Variants in SGCD observed in about 807,000 individuals in gnomAD.
SGCD encodes the protein delta-sarcoglycan.
In SGCD, 18 loss-of-function variants were observed where a neutral mutation model predicts 36.6. That is an observed-to-expected ratio of 0.49 (90% CI 0.34 to 0.73). SGCD has a LOEUF of 0.73. Ranked by LOEUF, SGCD falls within the 30% of genes least tolerant of loss-of-function variation. SGCD has a pLI of 0.01. For missense variants in SGCD, 387 were observed against 346.7 expected, an observed-to-expected ratio of 1.12 and a Z score of -0.92; for synonymous variants, 133 against 130.6, an observed-to-expected ratio of 1.02 and a Z score of -0.12.
In SGCD at chr5:156,766,559, C is replaced by T. The variant is rs961763770; in HGVS notation, c.*7169C>T. On this transcript the variant is annotated 3_prime_UTR_variant, in exon 9 of 9. Transcript: ENST00000337851. The stretch of plus-strand genomic sequence containing the variant: ...TAAAGTGGCACCCTTTAACTTTGAA[C>T]CTGTGTATTTTACACTGGCATCCTA... The T allele has an allele frequency of 6.8e-6, 1 of 147,738 alleles. No homozygotes were observed. Among genetic ancestry groups the T allele is most frequent in the Non-Finnish European group, 1.5e-5 (1 of 67,188 alleles). The allele number at this position is 147,738 out of a possible 1,614,324, so 9.2% of individuals were successfully genotyped here. A position where few individuals can be genotyped will look rare whatever the true frequency, so the allele number is the denominator to read the frequency against.
At chr5:156,061,420 C>A (rs1760203602) in intron 1 of SGCD, among the ~76,000 whole-genome samples, 1 of 145,696 alleles carries the variant, frequency 6.9e-6, no homozygotes, top group African/African-American at 2.5e-5. Context: ...CCATAGAAAC[C>A]AAATGTGACA....
intron 7 of SGCD, among the ~76,000 whole-genome samples, chr5:156,733,658 A>G (rs1444943796): frequency 6.6e-6 from 1 of 152,072 alleles, no homozygotes; most frequent in African/African-American, 2.4e-5. Context: ...GTCTCTAAGA[A>G]CTTGCTTTAT....
intron 1 of SGCD, among the ~76,000 whole-genome samples, chr5:155,939,498 G>A (rs1014314552): frequency 6.6e-6 from 1 of 151,652 alleles, no homozygotes; most frequent in African/African-American, 2.4e-5. Flanking sequence ...ACAAAAATTA[G>A]CCAGGTGTGG....
intron 1 of SGCD, among the ~76,000 whole-genome samples, chr5:155,935,695 A>G (rs906333058): frequency 7.2e-5 from 11 of 152,196 alleles, no homozygotes; most frequent in Admixed American, 3.3e-4. Context: ...TCACTTGCCT[A>G]AGGTTGTTAC....
At chr5:156,695,450 T>G (rs1479499432) in intron 7 of SGCD, among the ~76,000 whole-genome samples, 2 of 152,040 alleles carry the variant, frequency 1.3e-5, no homozygotes, top group Non-Finnish European at 2.9e-5. Context: ...CATAATTGCA[T>G]AAGCCAACTC....
chr5:156,400,847 G>T (rs539319896), intron 3 of SGCD, among the ~76,000 whole-genome samples: 1 of 152,260 alleles, frequency 6.6e-6, no homozygotes, highest in Admixed American at 6.5e-5. Context: ...ATCAGCTCTT[G>T]CTGATATTGC....
chr5:156,156,175 C>T (rs551965104), intron 3 of SGCD, among the ~76,000 whole-genome samples: 5 of 151,616 alleles, frequency 3.3e-5, no homozygotes, highest in African/African-American at 7.3e-5. Flanking sequence ...TGTTGTAATG[C>T]GACCCCTTCA....
intron 3 of SGCD, among the ~76,000 whole-genome samples, chr5:156,357,284 T>C (rs1409877439): frequency 6.6e-6 from 1 of 152,174 alleles, no homozygotes; most frequent in Admixed American, 6.5e-5. Flanking sequence ...AACTGAAGCA[T>C]AGAAGGCTTA....
At chr5:155,925,010 C>T (rs559176486) in intron 1 of SGCD, among the ~76,000 whole-genome samples, 68 of 152,046 alleles carry the variant, frequency 4.5e-4, no homozygotes, top group Non-Finnish European at 4.4e-5. Context: ...GAATTTTTTA[C>T]TTGTCCTTAG....
At chr5:155,829,593 C>A in the SGCD span, among the ~76,000 whole-genome samples, 1 of 152,186 alleles carries the variant, frequency 6.6e-6, no homozygotes, top group Non-Finnish European at 1.5e-5. Flanking sequence ...TCGAAGGAGG[C>A]TGCTGGGAAA....
intron 1 of SGCD, among the ~76,000 whole-genome samples, chr5:156,117,491 G>A (rs916150539): frequency 3.3e-5 from 5 of 152,172 alleles, no homozygotes; most frequent in South Asian, 2.1e-4. Flanking sequence ...TAACTGGTCA[G>A]CTGACATTAT....
At chr5:156,252,723 T>C (rs1451643287) in intron 3 of SGCD, among the ~76,000 whole-genome samples, 1 of 152,216 alleles carries the variant, frequency 6.6e-6, no homozygotes, top group Non-Finnish European at 1.5e-5. Context: ...TAGTATTTTA[T>C]CTTAAATATT....
rs1472935114 is a variant in SGCD at position 156,760,466 on chromosome 5, TCTGA to T, written c.*1079_*1082del. 2 of 152,262 alleles carry T rather than the reference TCTGA, an allele frequency of 1.3e-5. No individual in the cohort carries two copies. Among genetic ancestry groups the T allele is most frequent in the African/African-American group, 4.8e-5 (2 of 41,450 alleles). The allele number at this position is 152,262 out of a possible 1,614,324, so 9.4% of individuals were successfully genotyped here. On this transcript the variant is annotated 3_prime_UTR_variant, in exon 9 of 9. Transcript: ENST00000337851. ...TATTTTTAAAGGCATTCACAAACTCTCTGACTTTGTTCTTCTTATATATTTTTTC... is the reference window on the plus strand; with the variant it reads ...TATTTTTAAAGGCATTCACAAACTCTCTTTGTTCTTCTTATATATTTTTTC...
At chr5:156,711,875 G>T (rs1206232373) in intron 7 of SGCD, among the ~76,000 whole-genome samples, 1 of 152,186 alleles carries the variant, frequency 6.6e-6, no homozygotes, top group Admixed American at 6.5e-5. Flanking sequence ...CTACTCCATA[G>T]ACGGAGCAGC....
chr5:155,986,701 A>G (rs1758338608), intron 1 of SGCD, among the ~76,000 whole-genome samples: 3 of 152,228 alleles, frequency 2.0e-5, no homozygotes. Flanking sequence ...AACATGATTC[A>G]TGCAAATGGC....
chr5:156,253,899 G>T (rs1040640062), intron 3 of SGCD, among the ~76,000 whole-genome samples: 5 of 152,108 alleles, frequency 3.3e-5, no homozygotes, highest in African/African-American at 1.2e-4. Context: ...AATTTTCTTG[G>T]AATGTTAAGT....
intron 1 of SGCD, among the ~76,000 whole-genome samples, chr5:156,083,882 A>T (rs2127592263): frequency 2.0e-5 from 3 of 151,858 alleles, no homozygotes; most frequent in Admixed American, 2.0e-4. Context: ...GGCATTCTTC[A>T]GTACCTTTAT....
chr5:156,735,655 C>G (rs944899155), intron 7 of SGCD, among the ~76,000 whole-genome samples: 3 of 152,212 alleles, frequency 2.0e-5, no homozygotes, highest in Non-Finnish European at 2.9e-5. Context: ...AGGTGCAACA[C>G]TGCTACTGGT....
At chr5:156,439,407 C>T (rs1753388205) in intron 3 of SGCD, among the ~76,000 whole-genome samples, 1 of 152,102 alleles carries the variant, frequency 6.6e-6, no homozygotes, top group Admixed American at 6.6e-5. Context: ...AAACTTAGTA[C>T]TTAAGAGAAA....
Sources: gnomAD v4.1 joint callset for allele counts (sites outside exome capture counted in the v4.1 genomes callset) on GRCh38, gnomAD v4.1.1 for gene constraint, MANE v1.5 for transcripts, NCBI Gene and HGNC (gene_info 2026-07-23, HGNC 2026-07-21) for gene names.